ATP8B4: variants seen among roughly 807,000 people sequenced by gnomAD.
ATP8B4 encodes probable phospholipid-transporting ATPase IM.
In ATP8B4, 133 loss-of-function variants were observed where a neutral mutation model predicts 145.6. That is an observed-to-expected ratio of 0.91 (90% CI 0.79 to 1.05). The LOEUF (loss-of-function observed/expected upper bound fraction) is 1.05. Ranked by LOEUF, ATP8B4 falls within the 50% of genes least tolerant of loss-of-function variation. ATP8B4 has a pLI of 0.00. For missense variants in ATP8B4, 1,458 were observed against 1,425.2 expected (o/e 1.02, Z -0.37); for synonymous variants, 507 against 492.9 (o/e 1.03, Z -0.38).
intron 1 of ATP8B4, among the ~76,000 whole-genome samples, chr15:50,168,750 T>C (rs374172407): frequency 2.0e-5 from 3 of 152,256 alleles, no homozygotes; most frequent in South Asian, 2.1e-4. Context: ...CTAAAGCCCT[T>C]TTCTCTTGCA....
At chr15:50,101,739 G>A (rs1387139174) in intron 2 of ATP8B4, among the ~76,000 whole-genome samples, 2 of 151,882 alleles carry the variant, frequency 1.3e-5, no homozygotes, top group African/African-American at 4.8e-5. Flanking sequence ...TAAAACAGAT[G>A]GACTTAACAG....
chr15:49,933,223 G>A (rs1418637853), intron 15 of ATP8B4, among the ~76,000 whole-genome samples: 1 of 151,764 alleles, frequency 6.6e-6, no homozygotes, highest in East Asian at 1.9e-4. Context: ...ATTAGATATT[G>A]GAAGTATCAG....
At chr15:49,985,096 T>C (rs1469828202) in intron 10 of ATP8B4, among the ~76,000 whole-genome samples, 1 of 131,096 alleles carries the variant, frequency 7.6e-6, no homozygotes, top group African/African-American at 3.4e-5. Context: ...ATAATTCATT[T>C]TGGATTTTTT....
intron 3 of ATP8B4, among the ~76,000 whole-genome samples, chr15:50,066,003 G>GA (rs67307430): frequency 0.043 from 4,570 of 106,054 alleles, 167 homozygotes; most frequent in African/African-American, 0.12. Context: ...TCAGAGGCCA[G>GA]AAAAAAAAAA....
intron 11 of ATP8B4, among the ~76,000 whole-genome samples, chr15:49,980,194 G>A (rs2046032393): frequency 6.6e-6 from 1 of 152,154 alleles, no homozygotes; most frequent in African/African-American, 2.4e-5. Context: ...AGGTCTGCAG[G>A]TGATACTGAA....
At chr15:50,114,103 C>CTTTTTTTT (rs755159123) in intron 1 of ATP8B4, among the ~76,000 whole-genome samples, 564 of 55,634 alleles carry the variant, frequency 0.01, 25 homozygotes, top group African/African-American at 0.017. Flanking sequence ...CTCCTAGTTT[C>CTTTTTTTT]TTTTTTTTTT....
intron 2 of ATP8B4, among the ~76,000 whole-genome samples, chr15:50,078,921 G>A (rs940340751): frequency 1.3e-5 from 2 of 152,070 alleles, no homozygotes; most frequent in Non-Finnish European, 2.9e-5. Context: ...AAGTGTGAAG[G>A]GGAAATAAAG....
At chr15:49,862,814 C>T (rs530047093) in intron 26 of ATP8B4, among the ~76,000 whole-genome samples, 1 of 152,254 alleles carries the variant, frequency 6.6e-6, no homozygotes, top group South Asian at 2.1e-4. Flanking sequence ...GATAAGAAGG[C>T]AGAAGTGCTA....
chr15:49,865,154 A>G (rs7172585), intron 26 of ATP8B4, among the ~76,000 whole-genome samples: 47,565 of 152,046 alleles, frequency 0.31, 8,028 homozygotes, highest in African/African-American at 0.42. Flanking sequence ...TGAAGGTTAA[A>G]TTGATCACCA....
intron 9 of ATP8B4, among the ~76,000 whole-genome samples, chr15:49,994,608 A>C (rs2047278415): frequency 6.6e-6 from 1 of 151,988 alleles, no homozygotes; most frequent in Non-Finnish European, 1.5e-5. Flanking sequence ...TATGCCAGAC[A>C]GTGCTAAGTG....
At position 49,972,647 on chromosome 15, in the gene ATP8B4, T is replaced by A; in HGVS notation, c.1178A>T (p.Lys393Ile). Residue 393 changes from lysine to isoleucine, a missense_variant, in exon 13 of 28, where the codon AAA (lysine) becomes ATA (isoleucine). Transcript: ENST00000284509. ...GATGTTTTGAGTGAGGGTACCCGTTTTGTCGGAGAAAATGTACTCAATCTG... is the reference window on the plus strand; with the variant it reads ...GATGTTTTGAGTGAGGGTACCCGTTATGTCGGAGAAAATGTACTCAATCTG... Reference protein sequence around the residue: ...LGQIEYIFSDKTGTLTQNIMT... With the variant: ...LGQIEYIFSDITGTLTQNIMT... 1 of 1,614,030 alleles carries A rather than the reference T, an allele frequency of 6.2e-7. No homozygotes were observed. Among genetic ancestry groups the A allele is most frequent in the Non-Finnish European group, 8.5e-7 (1 of 1,179,984 alleles).
chr15:49,923,200 G>T (rs376061075), intron 17 of ATP8B4, among the ~76,000 whole-genome samples, 179 bp downstream of exon 17: 37 of 152,292 alleles, frequency 2.4e-4, no homozygotes, highest in East Asian at 1.7e-3. Context: ...GGGCAGAAAG[G>T]GGGGTGGTCC....
chr15:50,088,731 T>G (rs188559536), intron 2 of ATP8B4, among the ~76,000 whole-genome samples: 34 of 152,298 alleles, frequency 2.2e-4, no homozygotes, highest in African/African-American at 7.2e-4. Context: ...GCTTTTTACT[T>G]CTTTAAACCT....
intron 1 of ATP8B4, among the ~76,000 whole-genome samples, chr15:50,171,119 T>C (rs1415070704): frequency 1.3e-5 from 2 of 152,138 alleles, no homozygotes; most frequent in Non-Finnish European, 2.9e-5. Context: ...CTGGGGGACT[T>C]CAATACTCCA....
intron 20 of ATP8B4, among the ~76,000 whole-genome samples, chr15:49,906,411 G>A (rs755549035): frequency 2.6e-5 from 4 of 152,076 alleles, no homozygotes; most frequent in Non-Finnish European, 5.9e-5. Context: ...TTCTTTCCAC[G>A]TAATGACAGT....
intron 14 of ATP8B4, among the ~76,000 whole-genome samples, chr15:49,954,158 G>A (rs1197094555): frequency 6.6e-6 from 1 of 152,100 alleles, no homozygotes; most frequent in Admixed American, 6.5e-5. Context: ...TGAGGGTTTG[G>A]GTCTCAGACT....
chr15:49,926,038 G>A (rs2040688935), intron 16 of ATP8B4, among the ~76,000 whole-genome samples: 1 of 151,992 alleles, frequency 6.6e-6, no homozygotes, highest in African/African-American at 2.4e-5. Context: ...TTTACTTGGG[G>A]TCTTTTTTTT....
intron 12 of ATP8B4, 90 bp from the exon 13 acceptor site, chr15:49,972,880 G>T: frequency 7.7e-7 from 1 of 1,290,502 alleles, no homozygotes; most frequent in Non-Finnish European, 1.1e-6. Context: ...GTCTGCCAAA[G>T]TCTCCAGGGG....
In ATP8B4 at chr15:49,934,085, G is replaced by C. The variant is rs768178079; in HGVS notation, c.1385C>G (p.Pro462Arg). The C allele has an allele frequency of 6.2e-7, 1 of 1,612,726 alleles. No individual in the cohort carries two copies. Among genetic ancestry groups the C allele is most frequent in the Non-Finnish European group, 8.5e-7 (1 of 1,179,196 alleles). ...TAACCTAAGGAATTCATGAACTTTG[G>C]GATCACCCATTTTAATGGATTCCAT... is the stretch of plus-strand genomic sequence containing the variant. ...HLMESIKMGD[P>R]KVHEFLRLLA... Residue 462 changes from proline to arginine, a missense_variant, in exon 15 of 28, where the codon CCC becomes CGC. Physicochemically the swap from Pro to Arg is moderately radical, Grantham distance 103 (BLOSUM62 -2). Coordinates refer to ENST00000284509, the MANE Select transcript of ATP8B4 (RefSeq NM_024837.4).
Sources: gnomAD v4.1 joint callset for allele counts (sites outside exome capture counted in the v4.1 genomes callset) on GRCh38, gnomAD v4.1.1 for gene constraint, MANE v1.5 for transcripts, NCBI Gene and HGNC (gene_info 2026-07-23, HGNC 2026-07-21) for gene names.